Variants in ZNF641 observed in about 807,000 individuals in gnomAD.
ZNF641 encodes zinc finger protein 641.
ZNF641 carries 26 observed loss-of-function variants against 46.2 expected under a neutral mutation model. That is an observed-to-expected ratio of 0.56 (90% CI 0.41 to 0.78). ZNF641 has a LOEUF of 0.78. ZNF641 is among the 30% of genes least tolerant of loss of function. The pLI is 0.00. For missense variants in ZNF641, 469 were observed against 517.8 expected (o/e 0.91, Z 0.91); for synonymous variants, 163 against 187.9 (o/e 0.87, Z 1.09).
rs1035973049 is a variant in ZNF641, at chr12:48,342,009, G to C, written c.*964C>G. On this transcript the variant is annotated 3_prime_UTR_variant, in exon 6 of 6. Transcript: ENST00000547026. ...ACACAGCCCCTAGAAAACCTAGCTT[G>C]TACAGTTTGCACATAGCATGCTGTC... The C allele has an allele frequency of 1.0e-6, 1 of 985,470 alleles. No homozygotes were observed. The allele number at this position is 985,470 out of a possible 1,614,324, so 61.0% of individuals were successfully genotyped here.
intron 1 of ZNF641, chr12:48,350,396 C>T (rs1210454190): frequency 1.8e-5 from 7 of 381,826 alleles, no homozygotes; most frequent in Non-Finnish European, 2.8e-5. Context: ...TTGCTTCTTC[C>T]CTTCTTCTTG....
rs1273342964 is a variant in ZNF641 at position 48,337,304 on chromosome 12, A to G, written c.*5669T>C. The G allele has an allele frequency of 6.6e-6, 1 of 152,238 alleles. No individual in the cohort carries two copies. Among genetic ancestry groups the G allele is most frequent in the Non-Finnish European group, 1.5e-5 (1 of 68,058 alleles). The allele number at this position is 152,238 out of a possible 1,614,324, so 9.4% of individuals were successfully genotyped here. A position where few individuals can be genotyped will look rare whatever the true frequency, so the allele number is the denominator to read the frequency against. ...GATAATAGCTAGAAATCTGATAGGC[A>G]CGGAGCAGTTGGGCTGCATGGCAAG... is the stretch of plus-strand genomic sequence containing the variant. On this transcript the variant is annotated 3_prime_UTR_variant, in exon 6 of 6. Transcript: ENST00000547026.
In ZNF641 at chr12:48,340,455, T is replaced by C. The variant is rs964477082; in HGVS notation, c.*2518A>G. On this transcript the variant is annotated 3_prime_UTR_variant, in exon 6 of 6. Coordinates refer to ENST00000547026, the MANE Select transcript of ZNF641 (RefSeq NM_001172681.2). ...GATTTGTCAGCATGTCAGATCTTTT[T>C]GAAAACCAGAGAGTAGAATGTAAGC... The C allele has an allele frequency of 5.6e-5, 55 of 985,362 alleles. No homozygotes were observed. In the African/African-American group the frequency reaches 9.3e-4, roughly 17 times the overall value. The allele number at this position is 985,362 out of a possible 1,614,324, so 61.0% of individuals were successfully genotyped here. A position where few individuals can be genotyped will look rare whatever the true frequency, so the allele number is the denominator to read the frequency against.
downstream of ZNF641, among the ~76,000 whole-genome samples, chr12:48,334,936 T>C (rs1014572540): frequency 3.3e-5 from 5 of 152,206 alleles, no homozygotes; most frequent in Non-Finnish European, 7.3e-5. Flanking sequence ...CAGAAGGGAC[T>C]GTCCCAACTT....
chr12:48,350,284 TA>T (rs1952993962), intron 1 of ZNF641: 1 of 1,385,438 alleles, frequency 7.2e-7, no homozygotes, highest in African/African-American at 1.5e-5. Flanking sequence ...TAAAAATGAG[TA>T]GCCCAAGGGC....
intron 5 of ZNF641, among the ~76,000 whole-genome samples, chr12:48,344,016 TAAGA>T (rs1952794384): frequency 6.6e-6 from 1 of 152,268 alleles, no homozygotes; most frequent in East Asian, 1.9e-4. Flanking sequence ...CCGGCAGTTA[TAAGA>T]TAGATAGCAC....
chr12:48,339,812 A>G lies in ZNF641; in HGVS notation c.*3161T>C. On this transcript the variant is annotated 3_prime_UTR_variant, in exon 6 of 6. Transcript: ENST00000547026. ...CATAACATTACTTTGACAAGGGAAA[A>G]GTTTTTCCTTCCACAATTAGAACTA... The G allele has an allele frequency of 3.6e-6, 2 of 557,744 alleles. No individual in the cohort carries two copies. Among genetic ancestry groups the G allele is most frequent in the Non-Finnish European group, 4.6e-6 (2 of 438,778 alleles). The allele number at this position is 557,744 out of a possible 1,614,324, so 34.5% of individuals were successfully genotyped here. A position where few individuals can be genotyped will look rare whatever the true frequency, so the allele number is the denominator to read the frequency against.
downstream of ZNF641, among the ~76,000 whole-genome samples, chr12:48,336,878 C>T (rs1003508664): frequency 6.6e-6 from 1 of 152,198 alleles, no homozygotes; most frequent in South Asian, 2.1e-4. Flanking sequence ...AGTCCTGGCC[C>T]TGCTCAGCAG....
chr12:48,341,828 T>A lies in ZNF641; in HGVS notation c.*1145A>T. Reference sequence around the variant, plus strand: ...AGAGATTCAAACCTAGACATACACATCCACAATTGTCTTAATCTCAGCAGT... The same window carrying A: ...AGAGATTCAAACCTAGACATACACAACCACAATTGTCTTAATCTCAGCAGT... On this transcript the variant is annotated 3_prime_UTR_variant, in exon 6 of 6. Transcript: ENST00000547026. 4 of 985,424 alleles carry A rather than the reference T, an allele frequency of 4.1e-6. No homozygotes were observed. Among genetic ancestry groups the A allele is most frequent in the Non-Finnish European group, 4.8e-6 (4 of 829,934 alleles). The allele number at this position is 985,424 out of a possible 1,614,324, so 61.0% of individuals were successfully genotyped here.
chr12:48,345,405 G>A lies in ZNF641; in HGVS notation c.346C>T (p.Gln116Ter). 6.2e-7 allele frequency: 1 copy of A among 1,614,182 alleles called. No individual in the cohort carries two copies. The highest frequency in any genetic ancestry group is 8.5e-7 in the Non-Finnish European group (1 of 1,180,014). ...QEEWRSLDPSQTDFYGEYVMQ... is the reference protein window; with the variant it reads ...QEEWRSLDPS ...ACATATTCTCCATAAAAGTCTGTCT[G>A]AGAGGGGTCCAGGCTCCGCCACTCC... The change falls in exon 4 of 6, where the codon CAG (glutamine) becomes TAG (stop). Residue 116 changes from glutamine (Q) to a stop codon, truncating the protein, a stop_gained. Transcript: ENST00000547026. LOFTEE classifies it high-confidence loss of function.
At position 48,339,364 on chromosome 12, in the gene ZNF641, G is replaced by A. The variant is rs926468562; in HGVS notation, c.*3609C>T. The A allele has an allele frequency of 6.6e-6, 1 of 152,192 alleles. No homozygotes were observed. 9.4% of individuals were successfully genotyped at this position (152,192 alleles called of 1,614,324 possible). ...TATCACACATCCAGGAGGGCATTTA[G>A]TTAAAAGACTGAACGTTGAGCTCCT... On this transcript the variant is annotated 3_prime_UTR_variant, in exon 6 of 6. Coordinates refer to ENST00000547026, the MANE Select transcript of ZNF641 (RefSeq NM_001172681.2).
At chr12:48,335,241 T>C (rs1952596251), downstream of ZNF641, among the ~76,000 whole-genome samples, 1 of 152,212 alleles carries the variant, frequency 6.6e-6, no homozygotes. Context: ...TTCTGTTGCT[T>C]AGTAAATTCT....
At position 48,342,949 on chromosome 12, in the gene ZNF641, C is replaced by T. The variant is rs753312892; in HGVS notation, c.*24G>A. ...TGGTAGCACCGGCTGATAGACTTGA[C>T]CATAGCTGTAGTGGAAACAGATTTC... On this transcript the variant is annotated 3_prime_UTR_variant, in exon 6 of 6. Transcript: ENST00000547026. 9 of 1,583,714 alleles carry T rather than the reference C, an allele frequency of 5.7e-6. No homozygotes were observed. In the Admixed American group the frequency reaches 1.6e-4, roughly 27 times the overall value.
chr12:48,344,899 A>AGAAAATCACTCTCCTTCCCAATGAACCT, intron 4 of ZNF641, 187 bp from the exon 5 acceptor site: 1 of 554,688 alleles, frequency 1.8e-6, no homozygotes, highest in Non-Finnish European at 3.2e-6. Flanking sequence ...TTCTCTGCCT[A>AGAAAATCACTCTCCTTCCCAATGAACCT]GAAAATCACT....
At chr12:48,350,360 G>T in intron 1 of ZNF641, 1 of 641,978 alleles carries the variant, frequency 1.6e-6, no homozygotes, top group Non-Finnish European at 2.4e-6. Context: ...GGCATGGGCG[G>T]GACGGGAGCC....
At position 48,342,747 on chromosome 12, in the gene ZNF641, A is replaced by C; in HGVS notation, c.*226T>G. The C allele has an allele frequency of 7.4e-7, 1 of 1,358,548 alleles. No homozygotes were observed. The highest frequency in any genetic ancestry group is 9.6e-7 in the Non-Finnish European group (1 of 1,045,948). 84.2% of individuals were successfully genotyped at this position (1,358,548 alleles called of 1,614,324 possible). ...GCTCAGGCTGAATATCAGCCCATGT[A>C]GGATGCATTGCTTCCCAAAAGTTTT... On this transcript the variant is annotated 3_prime_UTR_variant, in exon 6 of 6. Coordinates refer to ENST00000547026, the MANE Select transcript of ZNF641 (RefSeq NM_001172681.2).
At position 48,342,093 on chromosome 12, in the gene ZNF641, G is replaced by C. The variant is rs772891362; in HGVS notation, c.*880C>G. The stretch of plus-strand genomic sequence containing the variant: ...TAAAGACAGTCAAGAGGAGAGAGGG[G>C]ACTGTTCAAGGGGATAAAGTTTTTT... On this transcript the variant is annotated 3_prime_UTR_variant, in exon 6 of 6. Coordinates refer to ENST00000547026, the MANE Select transcript of ZNF641 (RefSeq NM_001172681.2). 2.0e-6 allele frequency: 2 copies of C among 985,470 alleles called. No individual in the cohort carries two copies. The highest frequency in any genetic ancestry group is 1.0e-3 in the Middle Eastern group (2 of 1,914). 61.0% of individuals were successfully genotyped at this position (985,470 alleles called of 1,614,324 possible). A position where few individuals can be genotyped will look rare whatever the true frequency, so the allele number is the denominator to read the frequency against.
Position 48,340,947 on chromosome 12 carries a change from C to CCAG in ZNF641, c.*2023_*2025dup, listed in dbSNP as rs1453162182. ...TAGGGCAAGACCTGCCTTACAAAGA[C>CCAG]CAGCCATTTTGCCTTATTCATAGGA... On this transcript the variant is annotated 3_prime_UTR_variant, in exon 6 of 6. Coordinates refer to ENST00000547026, the MANE Select transcript of ZNF641 (RefSeq NM_001172681.2). 1.0e-6 allele frequency: 1 copy of CCAG among 985,324 alleles called. No individual in the cohort carries two copies. The allele number at this position is 985,324 out of a possible 1,614,324, so 61.0% of individuals were successfully genotyped here.
In ZNF641 at chr12:48,341,119, G is replaced by A. The variant is rs1249783407; in HGVS notation, c.*1854C>T. The A allele has an allele frequency of 1.0e-6, 1 of 985,310 alleles. No homozygotes were observed. The highest frequency in any genetic ancestry group is 1.1e-4 in the East Asian group (1 of 8,832). The allele number at this position is 985,310 out of a possible 1,614,324, so 61.0% of individuals were successfully genotyped here. A position where few individuals can be genotyped will look rare whatever the true frequency, so the allele number is the denominator to read the frequency against. Reference sequence around the variant, plus strand: ...CAAAATAAGTCTATCTTCAATTCTAGTTGAGTCCAGGACTCTGAGGAGCTG... The same window carrying A: ...CAAAATAAGTCTATCTTCAATTCTAATTGAGTCCAGGACTCTGAGGAGCTG... On this transcript the variant is annotated 3_prime_UTR_variant, in exon 6 of 6. Transcript: ENST00000547026.
Sources: allele counts gnomAD v4.1 joint callset (sites outside exome capture counted in the v4.1 genomes callset), GRCh38; gene constraint gnomAD v4.1.1; transcripts MANE v1.5; gene names NCBI Gene and HGNC (gene_info 2026-07-23, HGNC 2026-07-21).